The following SRBD1 variants were observed in gnomAD, a reference collection of about 807,000 sequenced individuals.
SRBD1 encodes S1 RNA-binding domain-containing protein 1.
In SRBD1, 88 loss-of-function variants were observed where a neutral mutation model predicts 115.3. The observed-to-expected ratio is 0.76, with a 90% CI of 0.64 to 0.91. SRBD1 has a LOEUF of 0.91. Ranked by LOEUF, SRBD1 falls within the 40% of genes least tolerant of loss-of-function variation. The pLI is 0.00. For synonymous variants in SRBD1, 509 were observed against 407.7 expected, an observed-to-expected ratio of 1.25 and a Z score of -2.99; for missense variants, 1,385 against 1,177.4, an observed-to-expected ratio of 1.18 and a Z score of -2.58.
chr2:45,574,560 C>G, intron 8 of SRBD1, 67 bp downstream of exon 8: 1 of 1,426,542 alleles, frequency 7.0e-7, no homozygotes, highest in Non-Finnish European at 9.7e-7. Flanking sequence ...TTGGTATTAG[C>G]ACTAACCGTG....
chr2:45,565,605 A>T (rs1003819908), intron 9 of SRBD1, among the ~76,000 whole-genome samples: 14 of 152,222 alleles, frequency 9.2e-5, no homozygotes, highest in African/African-American at 3.1e-4. Flanking sequence ...GTAATCAATA[A>T]CAAAAAACTA....
Position 45,403,385 on chromosome 2 carries a change from GAA to G in SRBD1, c.2513+9727_2513+9728del, listed in dbSNP as rs1667342441. On this transcript the variant is annotated intron_variant, in intron 19 of 20. Transcript: ENST00000263736. ...GCTAAACATTTCATTTTGTTCTACT[GAA>G]GTTATCAGTTCCTGAGTAGTTCCCT... Among the ~76,000 whole-genome samples, 5 of 151,346 alleles carry G rather than the reference GAA, an allele frequency of 3.3e-5. No homozygotes were observed. In the South Asian group the frequency reaches 1.0e-3, roughly 31 times the overall value.
At chr2:45,538,168 C>T (rs764109352) in intron 14 of SRBD1, among the ~76,000 whole-genome samples, 2 of 152,232 alleles carry the variant, frequency 1.3e-5, no homozygotes, top group Non-Finnish European at 2.9e-5. Flanking sequence ...AGCTACATCA[C>T]AGCTTCCTTG....
intron 14 of SRBD1, among the ~76,000 whole-genome samples, chr2:45,540,070 T>C (rs188258684): frequency 9.9e-5 from 15 of 152,242 alleles, no homozygotes; most frequent in Admixed American, 2.6e-4. Context: ...GGGCCAGGCA[T>C]GGTGGCTCAC....
intron 1 of SRBD1, among the ~76,000 whole-genome samples, chr2:45,606,387 C>T (rs913238681): frequency 6.6e-6 from 1 of 151,874 alleles, no homozygotes; most frequent in African/African-American, 2.4e-5. Flanking sequence ...CTTGAACTCC[C>T]GACCTCAGGT....
In SRBD1 at chr2:45,588,110, T is replaced by C. The variant is rs115241029; in HGVS notation, c.649-2336A>G. ...TAGCCTGAACTAATGAAATAGCTTT[T>C]ACCTGTTCTCCCTGCATCCACTCTG... On this transcript the variant is annotated intron_variant, in intron 4 of 20. Coordinates refer to ENST00000263736, the MANE Select transcript of SRBD1 (RefSeq NM_018079.5). Among the ~76,000 whole-genome samples the C allele has an allele frequency of 4.1e-3, 625 of 152,334 alleles. 2 individuals are homozygous for C. The highest frequency in any genetic ancestry group is 5.9e-3 in the Non-Finnish European group (403 of 68,024).
intron 14 of SRBD1, among the ~76,000 whole-genome samples, chr2:45,498,452 T>C (rs75419548): frequency 0.029 from 4,449 of 152,286 alleles, 218 homozygotes; most frequent in African/African-American, 0.1. Context: ...TTGGGGTACA[T>C]TGATAATTTG....
At chr2:45,604,677 C>T (rs1674210726) in intron 2 of SRBD1, among the ~76,000 whole-genome samples, 1 of 152,134 alleles carries the variant, frequency 6.6e-6, no homozygotes, top group Non-Finnish European at 1.5e-5. Context: ...GCAAGCTGCA[C>T]CCCCAAATCT....
At chr2:45,527,751 A>G (rs1009763527) in intron 14 of SRBD1, among the ~76,000 whole-genome samples, 1 of 151,924 alleles carries the variant, frequency 6.6e-6, no homozygotes, top group Admixed American at 6.6e-5. Context: ...TAACTTAAGC[A>G]CAGTCACCAT....
chr2:45,567,917 T>C (rs1024204448), intron 9 of SRBD1: 3 of 152,200 alleles, frequency 2.0e-5, no homozygotes, highest in African/African-American at 4.8e-5. Context: ...TACCTAGTAA[T>C]GTAATACGTC....
At chr2:45,560,341 G>C (rs1191907940) in intron 10 of SRBD1, among the ~76,000 whole-genome samples, 1 of 152,166 alleles carries the variant, frequency 6.6e-6, no homozygotes, top group Non-Finnish European at 1.5e-5. Context: ...GACTGACTCT[G>C]ATACTGAGTA....
At chr2:45,606,138 G>C (rs1223745342) in intron 1 of SRBD1, among the ~76,000 whole-genome samples, 2 of 146,638 alleles carry the variant, frequency 1.4e-5, no homozygotes, top group African/African-American at 2.5e-5. Context: ...CTCAAAGACA[G>C]AAACATTTTT....
At chr2:45,523,194 A>G (rs1039905109) in intron 14 of SRBD1, among the ~76,000 whole-genome samples, 1 of 151,908 alleles carries the variant, frequency 6.6e-6, no homozygotes. Context: ...GATATAGCTA[A>G]GAACTATAGT....
intron 2 of SRBD1, 37 bp from the exon 3 acceptor site, chr2:45,602,120 T>C: frequency 6.4e-7 from 1 of 1,567,568 alleles, no homozygotes; most frequent in African/African-American, 1.4e-5. Context: ...CCAGGAAAAA[T>C]AAAAGCAAAT....
intron 19 of SRBD1, among the ~76,000 whole-genome samples, chr2:45,395,512 C>T (rs1667119618): frequency 1.3e-5 from 2 of 152,336 alleles, no homozygotes; most frequent in South Asian, 4.1e-4. Flanking sequence ...ATATCATTTT[C>T]ATTCTCACAC....
intron 14 of SRBD1, among the ~76,000 whole-genome samples, chr2:45,542,289 C>A (rs868002635): frequency 6.6e-6 from 1 of 152,228 alleles, no homozygotes; most frequent in African/African-American, 2.4e-5. Context: ...TGTTCTGGAG[C>A]GGGTGCTGGG....
intron 4 of SRBD1, among the ~76,000 whole-genome samples, chr2:45,594,239 C>T (rs1673821208): frequency 6.6e-6 from 1 of 152,140 alleles, no homozygotes; most frequent in Non-Finnish European, 1.5e-5. Flanking sequence ...TGGCTTTCTT[C>T]ACGCACATAA....
chr2:45,410,998 T>A (rs1428798110), intron 19 of SRBD1, among the ~76,000 whole-genome samples: 1 of 152,216 alleles, frequency 6.6e-6, no homozygotes, highest in Non-Finnish European at 1.5e-5. Flanking sequence ...AGTAGATGTT[T>A]CCCTGAGTTC....
intron 14 of SRBD1, chr2:45,546,244 G>A (rs1572758856): frequency 1.0e-6 from 1 of 985,356 alleles, no homozygotes; most frequent in South Asian, 4.7e-5. Flanking sequence ...ATGCCTATAT[G>A]AAATAAAAGT....
Sources: gnomAD v4.1 joint callset for allele counts (sites outside exome capture counted in the v4.1 genomes callset) on GRCh38, gnomAD v4.1.1 for gene constraint, MANE v1.5 for transcripts, NCBI Gene and HGNC (gene_info 2026-07-23, HGNC 2026-07-21) for gene names.